SYNJ2: variants seen among roughly 807,000 people sequenced by gnomAD.
SYNJ2 encodes synaptojanin 2.
In SYNJ2, 116 loss-of-function variants were observed where a neutral mutation model predicts 141.3. The observed-to-expected ratio is 0.82, with a 90% CI of 0.71 to 0.96. The LOEUF (loss-of-function observed/expected upper bound fraction) is 0.96. SYNJ2 is among the 40% of genes least tolerant of loss of function. The probability of loss-of-function intolerance (pLI) is 0.00; values close to 1 mark genes in which losing one functional copy is unlikely to be tolerated. For missense variants in SYNJ2, 1,873 were observed against 1,934.8 expected (o/e 0.97, Z 0.60); for synonymous variants, 745 against 777.7 (o/e 0.96, Z 0.70).
intron 20 of SYNJ2, 86 bp from the exon 21 acceptor site, chr6:158,083,343 T>G: frequency 6.7e-7 from 1 of 1,489,236 alleles, no homozygotes; most frequent in Non-Finnish European, 9.1e-7. Flanking sequence ...GTTGAGGGTG[T>G]GTGGGTTTTG....
At chr6:158,054,536 A>T (rs758177087) in intron 5 of SYNJ2, among the ~76,000 whole-genome samples, 13 of 152,228 alleles carry the variant, frequency 8.5e-5, no homozygotes, top group African/African-American at 3.1e-4. Context: ...GGCAAATTTG[A>T]TCATTAGGAT....
In SYNJ2 at chr6:158,072,344, C is replaced by T. The variant is rs534030654; in HGVS notation, c.2133+550C>T. 4.6e-5 allele frequency among the ~76,000 whole-genome samples: 7 copies of T among 152,334 alleles called. No homozygotes were observed. In the East Asian group the frequency reaches 1.2e-3, roughly 25 times the overall value. Reference sequence around the variant, plus strand: ...CGAACCGCACACTGCCCTCTCGTGGCGGTCCGGAGGGTTTCATTCTGAAAC... The same window carrying T: ...CGAACCGCACACTGCCCTCTCGTGGTGGTCCGGAGGGTTTCATTCTGAAAC... On this transcript the variant is annotated intron_variant, in intron 15 of 26. Coordinates refer to ENST00000355585, the MANE Select transcript of SYNJ2 (RefSeq NM_003898.4).
chr6:158,019,125 G>A (rs10046389), intron 2 of SYNJ2, among the ~76,000 whole-genome samples: 59,115 of 152,186 alleles, frequency 0.39, 11,778 homozygotes, highest in Middle Eastern at 0.5. Flanking sequence ...TGGGCCCCCA[G>A]GATGCCTCAC....
In SYNJ2 at chr6:158,084,526, C is replaced by T. The variant is rs978397231; in HGVS notation, c.3208+352C>T. Among the ~76,000 whole-genome samples, 4 of 152,092 alleles carry T rather than the reference C, an allele frequency of 2.6e-5. No individual in the cohort carries two copies. Among genetic ancestry groups the T allele is most frequent in the East Asian group, 1.9e-4 (1 of 5,196 alleles). ...CCCAACAAAACTCTTCTGATTCAGCCAGGCGCAGTGGCTCACACCTGTAAT... is the reference window on the plus strand; with the variant it reads ...CCCAACAAAACTCTTCTGATTCAGCTAGGCGCAGTGGCTCACACCTGTAAT... On this transcript the variant is annotated intron_variant, in intron 22 of 26. Transcript: ENST00000355585. This position sits in a 1 kb window ranked among gnomAD's most constrained non-coding sequence, Gnocchi z 5.0.
chr6:158,096,092 C>T lies in SYNJ2; in HGVS notation c.4219C>T (p.Leu1407Phe), dbSNP rs978637089. The part of the protein sequence containing the change: ...TKAMKPEAAP[L>F]LGDYQDPFWN... ...AGCGATGAAGCCAGAGGCAGCCCCA[C>T]TTCTTGGTGATTATCAGGACCCCTT... The change falls in exon 27 of 27, where the codon CTT (leucine) becomes TTT (phenylalanine). Residue 1407 changes from leucine (L) to phenylalanine (F), a missense_variant. Physicochemically the swap from Leu to Phe is conservative, Grantham distance 22. Transcript: ENST00000355585. The T allele has an allele frequency of 3.1e-6, 5 of 1,614,246 alleles. No individual in the cohort carries two copies. Among genetic ancestry groups the T allele is most frequent in the Middle Eastern group, 1.6e-4 (1 of 6,062 alleles).
rs757678495 is a variant in SYNJ2 at position 158,074,676 on chromosome 6, C to T, written c.2230C>T (p.Arg744Cys). The T allele has an allele frequency of 1.4e-5, 22 of 1,613,864 alleles. No homozygotes were observed. The highest frequency in any genetic ancestry group is 1.1e-4 in the South Asian group (10 of 91,026). ...TYEEVFYFVK[R>C]QDWKKLLEFD... Reference sequence around the variant, plus strand: ...TGAAGAAGTCTTCTATTTTGTTAAACGCCAAGACTGGAAGAAACTTCTGGA... The same window carrying T: ...TGAAGAAGTCTTCTATTTTGTTAAATGCCAAGACTGGAAGAAACTTCTGGA... The change falls in exon 16 of 27, where the codon CGC (arginine) becomes TGC (cysteine). Residue 744 changes from arginine to cysteine, a missense_variant. Coordinates refer to ENST00000355585, the MANE Select transcript of SYNJ2 (RefSeq NM_003898.4).
At chr6:158,063,585 G>A (rs929189790) in intron 8 of SYNJ2, among the ~76,000 whole-genome samples, 1 of 150,564 alleles carries the variant, frequency 6.6e-6, no homozygotes, top group Non-Finnish European at 1.5e-5. Context: ...CTTGAACCTG[G>A]GAGGCGGAGG....
At position 158,087,756 on chromosome 6, in the gene SYNJ2, A is replaced by T. The variant is rs1405041660; in HGVS notation, c.3343+767A>T. On this transcript the variant is annotated intron_variant, in intron 23 of 26. Coordinates refer to ENST00000355585, the MANE Select transcript of SYNJ2 (RefSeq NM_003898.4). ...TGCATAAGTCATGTATTATTGTGGA[A>T]ATTTTAGAGATAACTACAAAGAAGA... 2.6e-5 allele frequency among the ~76,000 whole-genome samples: 4 copies of T among 152,330 alleles called. No homozygotes were observed. The East Asian group carries it at 5.8e-4, about 22-fold the overall frequency.
chr6:157,991,388 C>A (rs2128315281), intron 1 of SYNJ2, among the ~76,000 whole-genome samples: 1 of 152,310 alleles, frequency 6.6e-6, no homozygotes, highest in South Asian at 2.1e-4. Context: ...CCTTGAGAGC[C>A]TGCCGTTCTA....
chr6:158,085,222 T>A (rs1015311446), intron 22 of SYNJ2, among the ~76,000 whole-genome samples: 29 of 152,086 alleles, frequency 1.9e-4, no homozygotes, highest in African/African-American at 6.0e-4. Flanking sequence ...GGTCTCACTA[T>A]GTTGTCCAAG....
Position 158,017,520 on chromosome 6 carries a change from T to G in SYNJ2, c.214+230T>G, listed in dbSNP as rs1778529023. The stretch of plus-strand genomic sequence containing the variant: ...ACCTCTGCCTCCTGGGTTCAAGCAA[T>G]TCTCCTGCCTCAGCCTCCTGAATAG... On this transcript the variant is annotated intron_variant, in intron 2 of 26. Coordinates refer to ENST00000355585, the MANE Select transcript of SYNJ2 (RefSeq NM_003898.4). The G allele has an allele frequency of 9.3e-6, 5 of 539,640 alleles. No individual in the cohort carries two copies. The South Asian group carries it at 1.1e-4, about 11-fold the overall frequency. 33.4% of individuals were successfully genotyped at this position (539,640 alleles called of 1,614,324 possible). A position where few individuals can be genotyped will look rare whatever the true frequency, so the allele number is the denominator to read the frequency against.
At chr6:158,017,924 G>A in intron 2 of SYNJ2, 1 of 389,734 alleles carries the variant, frequency 2.6e-6, no homozygotes. Flanking sequence ...CGAAAGTCTG[G>A]TCTGGGGCTT....
In SYNJ2 at chr6:158,084,336, G is replaced by T. The variant is rs570859893; in HGVS notation, c.3208+162G>T. 6.6e-6 allele frequency among the ~76,000 whole-genome samples: 1 copy of T among 152,248 alleles called. No individual in the cohort carries two copies. The highest frequency in any genetic ancestry group is 2.1e-4 in the South Asian group (1 of 4,828). On this transcript the variant is annotated intron_variant, in intron 22 of 26. Transcript: ENST00000355585. This position sits in a 1 kb window ranked among gnomAD's most constrained non-coding sequence, Gnocchi z 5.0. ...AAGCGAGGGGTAGGGACTGAGCCCT[G>T]TGGAGGTAGCCAGCTCCAACACCCT...
At position 158,096,133 on chromosome 6, in the gene SYNJ2, C is replaced by G; in HGVS notation, c.4260C>G (p.His1420Gln). 6.2e-7 allele frequency: 1 copy of G among 1,614,260 alleles called. No individual in the cohort carries two copies. Among genetic ancestry groups the G allele is most frequent in the Non-Finnish European group, 8.5e-7 (1 of 1,180,052 alleles). Reference protein sequence around the residue: ...DYQDPFWNLLHHPKLLNNTWL... With the variant: ...DYQDPFWNLLQHPKLLNNTWL... ...AGGACCCCTTCTGGAACCTTCTTCA[C>G]CACCCTAAACTGTTGAATAACACTT... The change falls in exon 27 of 27, where the codon CAC (histidine) becomes CAG (glutamine). Residue 1420 changes from histidine (H) to glutamine (Q), a missense_variant. Coordinates refer to ENST00000355585, the MANE Select transcript of SYNJ2 (RefSeq NM_003898.4).
At chr6:158,041,456 G>T (rs946753611) in intron 4 of SYNJ2, among the ~76,000 whole-genome samples, 1 of 152,196 alleles carries the variant, frequency 6.6e-6, no homozygotes, top group African/African-American at 2.4e-5. Flanking sequence ...ATGATAGGAC[G>T]GGGTGCAGAT....
Position 158,083,588 on chromosome 6 carries a change from G to A in SYNJ2, c.3025G>A (p.Glu1009Lys). The A allele has an allele frequency of 1.9e-6, 3 of 1,614,180 alleles. No homozygotes were observed. The highest frequency in any genetic ancestry group is 2.5e-6 in the Non-Finnish European group (3 of 1,180,042). ...CTTTGACTTCACAAGTTTGGACTATGAGTCAGAAGGTTAGTGACCCTGCAG... is the reference window on the plus strand; with the variant it reads ...CTTTGACTTCACAAGTTTGGACTATAAGTCAGAAGGTTAGTGACCCTGCAG... ...ENFDFTSLDYESEGDILEDDE... is the reference protein window; with the variant it reads ...ENFDFTSLDYKSEGDILEDDE... Residue 1009 changes from glutamate to lysine, a missense_variant, in exon 21 of 27, where the codon GAG becomes AAG. Coordinates refer to ENST00000355585, the MANE Select transcript of SYNJ2 (RefSeq NM_003898.4).
At chr6:158,062,247 TCTG>T (rs1207159090) in intron 8 of SYNJ2, 83 bp downstream of exon 8, 48 of 1,556,152 alleles carry the variant, frequency 3.1e-5, no homozygotes, top group Non-Finnish European at 4.2e-5. Context: ...TGCTGTGCCT[TCTG>T]CTGGGTGAGG....
Position 158,026,764 on chromosome 6 carries a change from G to C in SYNJ2, c.215-1992G>C, listed in dbSNP as rs1779069629. The C allele has an allele frequency of 3.2e-6, 3 of 936,338 alleles. No individual in the cohort carries two copies. In the African/African-American group the frequency reaches 5.3e-5, roughly 17 times the overall value. The allele number at this position is 936,338 out of a possible 1,614,324, so 58.0% of individuals were successfully genotyped here. A position where few individuals can be genotyped will look rare whatever the true frequency, so the allele number is the denominator to read the frequency against. On this transcript the variant is annotated intron_variant, in intron 2 of 26. Coordinates refer to ENST00000355585, the MANE Select transcript of SYNJ2 (RefSeq NM_003898.4). Reference sequence around the variant, plus strand: ...TTTCCATAGCTCTGGCAGCCACAGGGGCCATCCTCCTGCCTCTCCGAGGGC... The same window carrying C: ...TTTCCATAGCTCTGGCAGCCACAGGCGCCATCCTCCTGCCTCTCCGAGGGC...
chr6:158,018,100 A>T (rs1459991251), intron 2 of SYNJ2, among the ~76,000 whole-genome samples: 1 of 152,046 alleles, frequency 6.6e-6, no homozygotes, highest in East Asian at 1.9e-4. Flanking sequence ...TGGGAGGGAG[A>T]GGAAGGGACA....
Sources: allele counts gnomAD v4.1 joint callset (sites outside exome capture counted in the v4.1 genomes callset), GRCh38; gene constraint gnomAD v4.1.1; non-coding constraint Gnocchi (gnomAD v3.1); transcripts MANE v1.5; gene names NCBI Gene and HGNC (gene_info 2026-07-23, HGNC 2026-07-21).